The following EXOC6B variants were observed in gnomAD, a reference collection of about 807,000 sequenced individuals.
EXOC6B encodes SEC15 homolog B.
Under a neutral mutation model 113.5 loss-of-function variants are expected in EXOC6B, and 54 were observed. That is an observed-to-expected ratio of 0.48 (90% CI 0.38 to 0.60). The LOEUF (loss-of-function observed/expected upper bound fraction) is 0.60. EXOC6B is among the 20% of genes least tolerant of loss of function. The probability of loss-of-function intolerance (pLI) is 0.00; values close to 1 mark genes in which losing one functional copy is unlikely to be tolerated. For missense variants in EXOC6B, 797 were observed against 977.5 expected, an observed-to-expected ratio of 0.82 and a Z score of 2.46; for synonymous variants, 357 against 339.0, an observed-to-expected ratio of 1.05 and a Z score of -0.58.
At position 72,480,202 on chromosome 2, in the gene EXOC6B, T is replaced by TA. The variant is rs57087043; in HGVS notation, c.1800+413dup. 1.3e-3 allele frequency among the ~76,000 whole-genome samples: 192 copies of TA among 144,890 alleles called. 1 individual carries two copies. Among genetic ancestry groups the TA allele is most frequent in the Middle Eastern group, 7.1e-3 (2 of 280 alleles). ...CTGGGCAATAGAGCAAGATTTGATTTAAAAAAAAAAAAAATTGGTCACAGG... is the reference window on the plus strand; with the variant it reads ...CTGGGCAATAGAGCAAGATTTGATTTAAAAAAAAAAAAAAATTGGTCACAGG... On this transcript the variant is annotated intron_variant, in intron 17 of 21. Coordinates refer to ENST00000272427, the MANE Select transcript of EXOC6B (RefSeq NM_015189.3).
At chr2:72,714,470 C>T (rs1450838793) in intron 6 of EXOC6B, among the ~76,000 whole-genome samples, 1 of 152,154 alleles carries the variant, frequency 6.6e-6, no homozygotes, top group African/African-American at 2.4e-5. Context: ...CTGCTTTTGG[C>T]AAGGTAGTGC....
At chr2:72,725,172 T>G (rs1180907112) in intron 5 of EXOC6B, among the ~76,000 whole-genome samples, 1 of 152,070 alleles carries the variant, frequency 6.6e-6, no homozygotes, top group African/African-American at 2.4e-5. Flanking sequence ...AGACAAAAGT[T>G]TTAAAGCAGC....
intron 20 of EXOC6B, among the ~76,000 whole-genome samples, chr2:72,293,888 A>G (rs1184464544): frequency 6.6e-6 from 1 of 152,180 alleles, no homozygotes; most frequent in East Asian, 1.9e-4. Context: ...AGGAAAAAAA[A>G]GCTATGGAAA....
At chr2:72,384,895 A>C (rs1368961362) in intron 18 of EXOC6B, among the ~76,000 whole-genome samples, 3 of 152,182 alleles carry the variant, frequency 2.0e-5, no homozygotes, top group African/African-American at 7.2e-5. Flanking sequence ...TATCATGTTC[A>C]TGAATTGAAG....
intron 18 of EXOC6B, among the ~76,000 whole-genome samples, chr2:72,419,160 T>G (rs890069549): frequency 1.3e-5 from 2 of 152,200 alleles, no homozygotes; most frequent in African/African-American, 2.4e-5. Context: ...ATATAGTGTA[T>G]GTCTGAAAAA....
At chr2:72,596,940 G>T (rs1304235546) in intron 6 of EXOC6B, among the ~76,000 whole-genome samples, 1 of 151,222 alleles carries the variant, frequency 6.6e-6, no homozygotes, top group African/African-American at 2.4e-5. Context: ...ATTTATCTCA[G>T]ATCTTAATAT....
intron 6 of EXOC6B, among the ~76,000 whole-genome samples, chr2:72,602,314 A>G (rs1191002929): frequency 6.6e-6 from 1 of 152,228 alleles, no homozygotes; most frequent in African/African-American, 2.4e-5. Context: ...ATGAATGAAT[A>G]TAATTCTCAG....
chr2:72,598,197 A>C (rs1573460861), intron 6 of EXOC6B, among the ~76,000 whole-genome samples: 1 of 152,062 alleles, frequency 6.6e-6, no homozygotes, highest in East Asian at 1.9e-4. Flanking sequence ...ACACTCAAAA[A>C]ATTTTAAAGA....
chr2:72,733,852 C>T (rs943455037), intron 2 of EXOC6B, among the ~76,000 whole-genome samples: 9 of 152,216 alleles, frequency 5.9e-5, no homozygotes, highest in Middle Eastern at 3.4e-3. Context: ...GTTTAATAAA[C>T]GCTTTCTAGC....
intron 18 of EXOC6B, among the ~76,000 whole-genome samples, chr2:72,423,335 G>T (rs1695019637): frequency 6.6e-6 from 1 of 152,110 alleles, no homozygotes; most frequent in South Asian, 2.1e-4. Flanking sequence ...CACCGCGAGG[G>T]TCCGTGGCTT....
At position 72,370,204 on chromosome 2, in the gene EXOC6B, T is replaced by C. The variant is rs183354089; in HGVS notation, c.2122+9525A>G. Among the ~76,000 whole-genome samples the C allele has an allele frequency of 7.5e-3, 1,144 of 152,182 alleles. 9 individuals are homozygous for C. Among genetic ancestry groups the C allele is most frequent in the Non-Finnish European group, 0.012 (833 of 67,990 alleles). Reference sequence around the variant, plus strand: ...ACCCCTTCAAAAAGTGGGCGAAGGATATGAACAGACACTTCTCAAAAGAAG... The same window carrying C: ...ACCCCTTCAAAAAGTGGGCGAAGGACATGAACAGACACTTCTCAAAAGAAG... On this transcript the variant is annotated intron_variant, in intron 19 of 21. Transcript: ENST00000272427.
intron 18 of EXOC6B, among the ~76,000 whole-genome samples, chr2:72,386,728 T>C (rs577491049): frequency 3.9e-5 from 6 of 152,338 alleles, no homozygotes; most frequent in Non-Finnish European, 5.9e-5. Flanking sequence ...TTAACTGCTC[T>C]TGCCTAACAC....
At chr2:72,681,053 T>C (rs1019541333) in intron 6 of EXOC6B, among the ~76,000 whole-genome samples, 9 of 152,214 alleles carry the variant, frequency 5.9e-5, no homozygotes, top group African/African-American at 1.9e-4. Flanking sequence ...CTGATAAGTT[T>C]ATGCCTTCTT....
At chr2:72,784,853 C>A (rs897275047) in intron 1 of EXOC6B, among the ~76,000 whole-genome samples, 5 of 152,144 alleles carry the variant, frequency 3.3e-5, no homozygotes, top group African/African-American at 1.2e-4. Context: ...TCCTTCCCAA[C>A]AGTCCCCCAA....
intron 16 of EXOC6B, among the ~76,000 whole-genome samples, chr2:72,485,451 G>A (rs1338377884): frequency 6.6e-6 from 1 of 152,126 alleles, no homozygotes; most frequent in Non-Finnish European, 1.5e-5. Flanking sequence ...AACAAAAAAT[G>A]AAATAGTAGC....
At chr2:72,627,934 T>C (rs1672160546) in intron 6 of EXOC6B, among the ~76,000 whole-genome samples, 1 of 152,146 alleles carries the variant, frequency 6.6e-6, no homozygotes, top group Non-Finnish European at 1.5e-5. Flanking sequence ...TGAATTTTTG[T>C]GAATACATTT....
intron 11 of EXOC6B, among the ~76,000 whole-genome samples, chr2:72,507,164 T>C (rs772196600): frequency 3.9e-5 from 6 of 152,134 alleles, no homozygotes; most frequent in Non-Finnish European, 8.8e-5. Flanking sequence ...CTAGAAAATA[T>C]AGACACATTT....
intron 6 of EXOC6B, among the ~76,000 whole-genome samples, chr2:72,633,854 T>C (rs1458316976): frequency 6.6e-6 from 1 of 152,122 alleles, no homozygotes; most frequent in Non-Finnish European, 1.5e-5. Flanking sequence ...ACTAATAAAT[T>C]TTGCATAAGA....
At chr2:72,307,161 G>GTTTTTGTTTTTTT (rs758906963) in intron 20 of EXOC6B, among the ~76,000 whole-genome samples, 2 of 128,514 alleles carry the variant, frequency 1.6e-5, no homozygotes, top group African/African-American at 3.8e-5. Context: ...GTATAGTCCA[G>GTTTTTGTTTTTTT]TTTTTTTTTT....
Sources: allele counts gnomAD v4.1 joint callset (sites outside exome capture counted in the v4.1 genomes callset), GRCh38; gene constraint gnomAD v4.1.1; transcripts MANE v1.5; gene names NCBI Gene and HGNC (gene_info 2026-07-23, HGNC 2026-07-21).